The following STK35 variants were observed in gnomAD, a reference collection of about 807,000 sequenced individuals.
STK35 encodes serine/threonine kinase 35, also known as serine/threonine-protein kinase 35.
STK35 carries 17 observed loss-of-function variants against 37.3 expected under a neutral mutation model. The ratio of observed to expected loss-of-function variants is 0.46; its 90% confidence interval spans 0.31 to 0.68. The LOEUF (loss-of-function observed/expected upper bound fraction) is 0.68. Among genes scored for constraint, STK35 ranks in the 30% least tolerant of loss-of-function variants. The probability of loss-of-function intolerance (pLI) is 0.05; values close to 1 mark genes in which losing one functional copy is unlikely to be tolerated. For synonymous variants in STK35, 385 were observed against 319.1 expected, an observed-to-expected ratio of 1.21 and a Z score of -2.20; for missense variants, 595 against 746.7, an observed-to-expected ratio of 0.80 and a Z score of 2.37.
In STK35 at chr20:2,143,953, C is replaced by CTTTTTTTTTTTTTTT; in HGVS notation, c.*211_*212insTTTTTTTTTTTTTTT. ...AGTTTTGCTTTATTTTTTTCCTTTTCTTTTCTTTTTTTTTTTTCCTCTTTC... is the reference window on the plus strand; with the variant it reads ...AGTTTTGCTTTATTTTTTTCCTTTTCTTTTTTTTTTTTTTTTTTTCTTTTTTTTTTTTCCTCTTTC... On this transcript the variant is annotated 3_prime_UTR_variant, in exon 4 of 4. Coordinates refer to ENST00000381482, the MANE Select transcript of STK35 (RefSeq NM_080836.4). The CTTTTTTTTTTTTTTT allele has an allele frequency of 1.1e-5, 4 of 361,510 alleles. No individual in the cohort carries two copies. Among genetic ancestry groups the CTTTTTTTTTTTTTTT allele is most frequent in the East Asian group, 3.2e-4 (2 of 6,250 alleles). The allele number at this position is 361,510 out of a possible 1,614,324, so 22.4% of individuals were successfully genotyped here. A position where few individuals can be genotyped will look rare whatever the true frequency, so the allele number is the denominator to read the frequency against.
chr20:2,131,562 A>C (rs1986000620), intron 3 of STK35, among the ~76,000 whole-genome samples: 1 of 151,984 alleles, frequency 6.6e-6, no homozygotes, highest in Non-Finnish European at 1.5e-5. Flanking sequence ...TGGGTGAGTC[A>C]GTGAGTGAGT....
At chr20:2,105,974 T>C (rs1985507752) in intron 2 of STK35, among the ~76,000 whole-genome samples, 1 of 152,212 alleles carries the variant, frequency 6.6e-6, no homozygotes, top group Non-Finnish European at 1.5e-5. Flanking sequence ...CTTTAAAATA[T>C]TTGAACCTCT....
At chr20:2,107,476 A>T (rs1985538114) in intron 2 of STK35, among the ~76,000 whole-genome samples, 1 of 152,208 alleles carries the variant, frequency 6.6e-6, no homozygotes, top group African/African-American at 2.4e-5. Context: ...GAGCCAGGCT[A>T]CTATAAGAGG....
chr20:2,128,447 T>G (rs1390595426), intron 3 of STK35, among the ~76,000 whole-genome samples: 1 of 152,124 alleles, frequency 6.6e-6, no homozygotes, highest in Non-Finnish European at 1.5e-5. Flanking sequence ...ACCACTGTTT[T>G]CCCTTTCCCC....
At chr20:2,115,901 C>G (rs543054099) in intron 2 of STK35, among the ~76,000 whole-genome samples, 20 of 152,220 alleles carry the variant, frequency 1.3e-4, no homozygotes, top group Non-Finnish European at 2.5e-4. Flanking sequence ...TCCTGCCCCC[C>G]CCTTCACTGT....
intron 3 of STK35, among the ~76,000 whole-genome samples, chr20:2,135,499 A>C (rs7273811): frequency 0.011 from 1,635 of 152,350 alleles, 24 homozygotes; most frequent in African/African-American, 0.035. Context: ...ACCACTTGTT[A>C]GCTAAAGAGA....
intron 3 of STK35, among the ~76,000 whole-genome samples, chr20:2,127,962 A>G (rs979233925): frequency 1.6e-4 from 24 of 152,268 alleles, no homozygotes; most frequent in African/African-American, 5.3e-4. Flanking sequence ...TGGTGAAGAT[A>G]TCTTCAACCC....
rs35569160 is a variant in STK35 at position 2,102,135 on chromosome 20, G to T, written c.254G>T (p.Gly85Val). ...GACCATCCCCAGGCAGGGGCTCCAG[G>T]GGGGAAACGGGCCGCCCGGAAGTGG... is the stretch of plus-strand genomic sequence containing the variant. Reference protein sequence around the residue: ...GADHPQAGAPGGKRAARKWRC... With the variant: ...GADHPQAGAPVGKRAARKWRC... The change falls in exon 1 of 4, where the codon GGG (glycine) becomes GTG (valine). Residue 85 changes from glycine (G) to valine (V), a missense_variant. Transcript: ENST00000381482. 6 of 1,398,426 alleles carry T rather than the reference G, an allele frequency of 4.3e-6. No homozygotes were observed. Among genetic ancestry groups the T allele is most frequent in the Admixed American group, 5.9e-5 (2 of 33,698 alleles). The allele number at this position is 1,398,426 out of a possible 1,614,324, so 86.6% of individuals were successfully genotyped here.
At chr20:2,139,798 G>A (rs544722293) in intron 3 of STK35, among the ~76,000 whole-genome samples, 2 of 152,266 alleles carry the variant, frequency 1.3e-5, no homozygotes, top group East Asian at 1.9e-4. Flanking sequence ...TTGCTGTTAC[G>A]CCAGTTACAG....
At chr20:2,126,265 A>AACT (rs1985904675) in intron 3 of STK35, among the ~76,000 whole-genome samples, 1 of 152,182 alleles carries the variant, frequency 6.6e-6, no homozygotes, top group Non-Finnish European at 1.5e-5. Flanking sequence ...TTAGACCCCA[A>AACT]TATGGTCTCC....
At chr20:2,105,731 G>C (rs1295883345) in intron 2 of STK35, among the ~76,000 whole-genome samples, 1 of 152,172 alleles carries the variant, frequency 6.6e-6, no homozygotes, top group African/African-American at 2.4e-5. Flanking sequence ...ACCATGTTCT[G>C]TACTCTTCTA....
At chr20:2,139,349 GT>G (rs1436573242) in intron 3 of STK35, among the ~76,000 whole-genome samples, 3 of 152,202 alleles carry the variant, frequency 2.0e-5, no homozygotes, top group Non-Finnish European at 4.4e-5. Context: ...TTGGCACCAT[GT>G]CCCCTTTTGT....
chr20:2,108,667 C>T (rs1985562277), intron 2 of STK35, among the ~76,000 whole-genome samples: 1 of 152,194 alleles, frequency 6.6e-6, no homozygotes, highest in African/African-American at 2.4e-5. Flanking sequence ...GGGGCAACCA[C>T]ACAGACTTCT....
rs576379361 is a variant in STK35, at chr20:2,117,387, G to C, written c.*9G>C. Reference sequence around the variant, plus strand: ...TCACATGTGCTGCTTAAAATTCAGGGCTAAGCATTTTGGGTGATTTTAAAC... The same window carrying C: ...TCACATGTGCTGCTTAAAATTCAGGCCTAAGCATTTTGGGTGATTTTAAAC... On this transcript the variant is annotated 3_prime_UTR_variant, in exon 3 of 4. Transcript: ENST00000381482. This position sits in a 1 kb window ranked among gnomAD's most constrained non-coding sequence, Gnocchi z 4.4. The C allele has an allele frequency of 6.3e-7, 1 of 1,580,232 alleles. No individual in the cohort carries two copies. Among genetic ancestry groups the C allele is most frequent in the South Asian group, 1.1e-5 (1 of 87,732 alleles).
At chr20:2,132,524 G>A (rs1198101458) in intron 3 of STK35, among the ~76,000 whole-genome samples, 1 of 152,250 alleles carries the variant, frequency 6.6e-6, no homozygotes, top group Admixed American at 6.5e-5. Context: ...AGACAAGGGT[G>A]AGTGGGTGGT....
intron 2 of STK35, among the ~76,000 whole-genome samples, chr20:2,103,612 A>C (rs1199623937): frequency 1.3e-5 from 2 of 152,182 alleles, no homozygotes; most frequent in Non-Finnish European, 2.9e-5. Context: ...CTAACCATTA[A>C]CTTAATAAGT....
intron 3 of STK35, among the ~76,000 whole-genome samples, chr20:2,138,767 C>A (rs1191522345): frequency 1.3e-5 from 2 of 152,138 alleles, no homozygotes; most frequent in Non-Finnish European, 2.9e-5. Flanking sequence ...CTGTAATAAT[C>A]CCAGCACTTT....
At chr20:2,116,639 A>G in intron 2 of STK35, 27 bp from the exon 3 acceptor site, 2 of 1,596,810 alleles carry the variant, frequency 1.3e-6, no homozygotes, top group Non-Finnish European at 1.7e-6. Flanking sequence ...ATCTCACTCA[A>G]GCTCCTTCCT....
At chr20:2,124,410 G>A (rs1985869353) in intron 3 of STK35, among the ~76,000 whole-genome samples, 1 of 152,176 alleles carries the variant, frequency 6.6e-6, no homozygotes, top group African/African-American at 2.4e-5. Flanking sequence ...TCCCTACTTA[G>A]TCTTTGGTGG....
Sources: gnomAD v4.1 joint callset for allele counts (sites outside exome capture counted in the v4.1 genomes callset) on GRCh38, gnomAD v4.1.1 for gene constraint, Gnocchi (gnomAD v3.1) non-coding constraint, MANE v1.5 for transcripts, NCBI Gene and HGNC (gene_info 2026-07-23, HGNC 2026-07-21) for gene names.